GRID1: variants seen among roughly 807,000 people sequenced by gnomAD.
GRID1 encodes glutamate receptor ionotropic, delta-1.
In GRID1, 28 loss-of-function variants were observed where a neutral mutation model predicts 98.0. That is an observed-to-expected ratio of 0.29 (90% CI 0.21 to 0.39). GRID1 has a LOEUF of 0.39. Among genes scored for constraint, GRID1 ranks in the 10% least tolerant of loss-of-function variants. GRID1 has a pLI of 1.00. For synonymous variants in GRID1, 553 were observed against 538.5 expected, an observed-to-expected ratio of 1.03 and a Z score of -0.37; for missense variants, 1,111 against 1,340.5, an observed-to-expected ratio of 0.83 and a Z score of 2.67.
At chr10:86,149,794 G>A (rs1000622456) in intron 3 of GRID1, among the ~76,000 whole-genome samples, 9 of 152,124 alleles carry the variant, frequency 5.9e-5, no homozygotes, top group Admixed American at 4.6e-4. Flanking sequence ...TTCCAAGTTG[G>A]GTTCCAGTAT....
chr10:85,970,561 A>G (rs947763327), intron 4 of GRID1, among the ~76,000 whole-genome samples: 1 of 152,106 alleles, frequency 6.6e-6, no homozygotes, highest in Non-Finnish European at 1.5e-5. Flanking sequence ...AGAATAAAGG[A>G]CAAAAAACAT....
In GRID1 at chr10:85,735,278, G is replaced by A. The variant is rs190377189; in HGVS notation, c.1234-5664C>T. ...ACTATTAAACAAAACAAGTACTGCT[G>A]CTATTTGATAAGACAGCTACGGTTT... On this transcript the variant is annotated intron_variant, in intron 8 of 15. Transcript: ENST00000327946. Among the ~76,000 whole-genome samples, 36 of 152,298 alleles carry A rather than the reference G, an allele frequency of 2.4e-4. No homozygotes were observed. The East Asian group carries it at 3.5e-3, about 15-fold the overall frequency.
At chr10:85,682,922 A>T (rs1841226898) in intron 12 of GRID1, among the ~76,000 whole-genome samples, 1 of 152,238 alleles carries the variant, frequency 6.6e-6, no homozygotes, top group South Asian at 2.1e-4. Context: ...AAGATGGCAC[A>T]TGGCTAGGAA....
intron 2 of GRID1, among the ~76,000 whole-genome samples, chr10:86,211,375 G>C (rs970484501): frequency 1.3e-5 from 2 of 152,200 alleles, no homozygotes; most frequent in Non-Finnish European, 2.9e-5. Flanking sequence ...AGCTGGGAAA[G>C]TAAGTAAAGA....
At chr10:85,712,439 C>A (rs7904922) in intron 12 of GRID1, among the ~76,000 whole-genome samples, 78,681 of 151,474 alleles carry the variant, frequency 0.52, 20,893 homozygotes, top group Middle Eastern at 0.61. Context: ...TAAATTTTGA[C>A]AAAACTGAAG....
intron 8 of GRID1, among the ~76,000 whole-genome samples, chr10:85,790,184 G>A (rs1842465632): frequency 6.6e-6 from 1 of 152,226 alleles, no homozygotes; most frequent in African/African-American, 2.4e-5. Flanking sequence ...GTGAGGGCCA[G>A]CCCCAGATGT....
At chr10:85,998,117 A>G (rs1044560694) in intron 4 of GRID1, among the ~76,000 whole-genome samples, 1 of 152,204 alleles carries the variant, frequency 6.6e-6, no homozygotes, top group African/African-American at 2.4e-5. Context: ...AAAGATAAAC[A>G]TGAACTAAAC....
rs71016112 is a variant in GRID1 at position 85,820,141 on chromosome 10, C to CAGAAAGAAAGAAAGAAAGAA, written c.1233+34335_1233+34354dup. ...AAGAAAGAAGGGAGAAAGAAAGAAACAGAAAGAAAGAAAGAAAGAAAGAAA... is the reference window on the plus strand; with the variant it reads ...AAGAAAGAAGGGAGAAAGAAAGAAACAGAAAGAAAGAAAGAAAGAAAGAAAGAAAGAAAGAAAGAAAGAAA... On this transcript the variant is annotated intron_variant, in intron 8 of 15. Transcript: ENST00000327946. 4.2e-3 allele frequency among the ~76,000 whole-genome samples: 478 copies of CAGAAAGAAAGAAAGAAAGAA among 114,784 alleles called. 16 individuals carry two copies. The highest frequency in any genetic ancestry group is 0.017 in the African/African-American group (458 of 27,022). 75.3% of individuals were successfully genotyped at this position (114,784 alleles called of 152,430 possible). A position where few individuals can be genotyped will look rare whatever the true frequency, so the allele number is the denominator to read the frequency against.
intron 12 of GRID1, among the ~76,000 whole-genome samples, chr10:85,669,878 G>A (rs978201339): frequency 6.6e-6 from 1 of 152,202 alleles, no homozygotes; most frequent in African/African-American, 2.4e-5. Context: ...TGGAGCTTAG[G>A]GAAAGTAGAC....
chr10:86,361,360 CA>C (rs1334660868), intron 2 of GRID1, among the ~76,000 whole-genome samples: 2 of 152,204 alleles, frequency 1.3e-5, no homozygotes, highest in African/African-American at 2.4e-5. Context: ...AAGTACATGC[CA>C]GCTTTCACCA....
chr10:85,634,620 T>C (rs1198859930), intron 13 of GRID1, among the ~76,000 whole-genome samples: 2 of 152,130 alleles, frequency 1.3e-5, no homozygotes, highest in Non-Finnish European at 1.5e-5. Context: ...TCCTCAATGG[T>C]GAAGATAAAG....
intron 4 of GRID1, among the ~76,000 whole-genome samples, chr10:86,134,227 G>A (rs3935651): frequency 1.3e-5 from 2 of 152,216 alleles, no homozygotes; most frequent in Non-Finnish European, 1.5e-5. Context: ...CAGTCTTGGA[G>A]AGGAGGAGGC....
chr10:86,306,378 C>A (rs568022798), intron 2 of GRID1, among the ~76,000 whole-genome samples: 1 of 152,346 alleles, frequency 6.6e-6, no homozygotes, highest in South Asian at 2.1e-4. Context: ...GTTCAGGTAA[C>A]ATTCCCCAAT....
intron 8 of GRID1, among the ~76,000 whole-genome samples, chr10:85,775,322 G>A (rs1293047400): frequency 6.8e-6 from 1 of 146,460 alleles, no homozygotes; most frequent in Non-Finnish European, 1.5e-5. Flanking sequence ...TGTGGGGACT[G>A]TTGTGGGGTC....
At chr10:86,212,812 G>C (rs559600824) in intron 2 of GRID1, among the ~76,000 whole-genome samples, 2 of 152,142 alleles carry the variant, frequency 1.3e-5, no homozygotes, top group Non-Finnish European at 2.9e-5. Context: ...ATTTAGTATT[G>C]TCATAACTCA....
chr10:85,657,232 CA>C (rs966982525), intron 12 of GRID1, among the ~76,000 whole-genome samples: 13 of 151,484 alleles, frequency 8.6e-5, no homozygotes, highest in African/African-American at 2.7e-4. Flanking sequence ...GATAAAAATA[CA>C]AAAAAAAATC....
intron 6 of GRID1, among the ~76,000 whole-genome samples, chr10:85,865,842 C>T (rs1843209131): frequency 6.7e-6 from 1 of 148,826 alleles, no homozygotes; most frequent in Non-Finnish European, 1.5e-5. Flanking sequence ...TCTCATGATA[C>T]CGCCTTGCAA....
At chr10:86,341,115 C>T (rs1055703746) in intron 2 of GRID1, among the ~76,000 whole-genome samples, 1 of 152,158 alleles carries the variant, frequency 6.6e-6, no homozygotes, top group Admixed American at 6.5e-5. Context: ...TGGCCTCTGG[C>T]GTTTGCATAT....
chr10:85,709,408 C>A (rs1055137285), intron 12 of GRID1, among the ~76,000 whole-genome samples: 5 of 152,210 alleles, frequency 3.3e-5, no homozygotes, highest in Admixed American at 2.0e-4. Context: ...ATTAAGCATT[C>A]TTGGACTAGT....
Sources: allele counts gnomAD v4.1 joint callset (sites outside exome capture counted in the v4.1 genomes callset), GRCh38; gene constraint gnomAD v4.1.1; transcripts MANE v1.5; gene names NCBI Gene and HGNC (gene_info 2026-07-23, HGNC 2026-07-21).